Variants in KAZN observed in about 807,000 individuals in gnomAD.
KAZN encodes kazrin, periplakin interacting protein.
In KAZN, 40 loss-of-function variants were observed where a neutral mutation model predicts 87.4. That is an observed-to-expected ratio of 0.46 (90% confidence interval 0.36 to 0.60). The LOEUF (loss-of-function observed/expected upper bound fraction) is 0.60. KAZN is among the 20% of genes least tolerant of loss of function. KAZN has a pLI of 0.00. For missense variants in KAZN, 898 were observed against 1,073.9 expected, an observed-to-expected ratio of 0.84 and a Z score of 2.29; for synonymous variants, 466 against 458.3, an observed-to-expected ratio of 1.02 and a Z score of -0.22.
At chr1:14,367,793 G>GA (rs1171992334) in intron 2 of KAZN, among the ~76,000 whole-genome samples, 1 of 152,176 alleles carries the variant, frequency 6.6e-6, no homozygotes, top group African/African-American at 2.4e-5. Context: ...GGAGTCCAGG[G>GA]AGACTCCTGC....
rs1286842444 is a variant in KAZN at position 15,116,110 on chromosome 1, AG to A, written c.*1478del. On this transcript the variant is annotated 3_prime_UTR_variant, in exon 15 of 15. Coordinates refer to ENST00000376030, the MANE Select transcript of KAZN (RefSeq NM_201628.3). ...ACCAGATGACAGCCACGTGATGATT[AG>A]GGAAGGACGGATGCATTGCGATTCT... is the stretch of plus-strand genomic sequence containing the variant. The A allele has an allele frequency of 6.6e-6, 1 of 152,216 alleles. No homozygotes were observed. The highest frequency in any genetic ancestry group is 1.9e-4 in the East Asian group (1 of 5,200). 9.4% of individuals were successfully genotyped at this position (152,216 alleles called of 1,614,324 possible). A position where few individuals can be genotyped will look rare whatever the true frequency, so the allele number is the denominator to read the frequency against.
chr1:14,416,093 A>T (rs1023208788), intron 2 of KAZN, among the ~76,000 whole-genome samples: 1 of 152,188 alleles, frequency 6.6e-6, no homozygotes, highest in Non-Finnish European at 1.5e-5. Context: ...CATGAACTTA[A>T]GTGAAATTCC....
intron 2 of KAZN, among the ~76,000 whole-genome samples, chr1:14,247,963 C>A (rs914434094): frequency 5.3e-5 from 8 of 152,152 alleles, no homozygotes; most frequent in African/African-American, 1.7e-4. Context: ...AAATGCATAA[C>A]CTAATTAGGC....
At chr1:14,877,045 C>T (rs1652844322) in intron 1 of KAZN, among the ~76,000 whole-genome samples, 1 of 152,168 alleles carries the variant, frequency 6.6e-6, no homozygotes, top group Non-Finnish European at 1.5e-5. Flanking sequence ...ATTCAAAATA[C>T]CAGGGTTGAT....
At chr1:14,574,892 T>C (rs576247566) in intron 2 of KAZN, among the ~76,000 whole-genome samples, 5 of 152,200 alleles carry the variant, frequency 3.3e-5, no homozygotes, top group Admixed American at 6.5e-5. Context: ...CTGTCTCTGT[T>C]CAGCCAAGAC....
chr1:14,386,466 C>G (rs1661903009), intron 2 of KAZN, among the ~76,000 whole-genome samples: 1 of 152,000 alleles, frequency 6.6e-6, no homozygotes, highest in Non-Finnish European at 1.5e-5. Context: ...TGTTCCTTTC[C>G]ATGTTTAGCA....
chr1:14,558,647 T>C (rs1674063558), intron 2 of KAZN, among the ~76,000 whole-genome samples: 2 of 152,116 alleles, frequency 1.3e-5, no homozygotes, highest in Non-Finnish European at 2.9e-5. Flanking sequence ...GAGTATCAGG[T>C]ATATACAGTA....
intron 1 of KAZN, among the ~76,000 whole-genome samples, chr1:14,630,064 C>T (rs1268184344): frequency 6.6e-6 from 1 of 152,000 alleles, no homozygotes; most frequent in Non-Finnish European, 1.5e-5. Context: ...GGAACAGAAA[C>T]ATCATTGGCC....
chr1:14,075,697 C>T (rs758776700), intron 1 of KAZN, among the ~76,000 whole-genome samples: 7 of 152,094 alleles, frequency 4.6e-5, no homozygotes, highest in Admixed American at 3.3e-4. Flanking sequence ...CATCCTGTTC[C>T]GAAGCCACCT....
At chr1:14,086,327 A>G (rs1426566326) in intron 1 of KAZN, among the ~76,000 whole-genome samples, 2 of 152,102 alleles carry the variant, frequency 1.3e-5, no homozygotes, top group East Asian at 1.9e-4. Flanking sequence ...GGCATTAGCT[A>G]TTTTTCCTGA....
At chr1:14,259,111 G>T (rs1650807988) in intron 2 of KAZN, among the ~76,000 whole-genome samples, 1 of 152,076 alleles carries the variant, frequency 6.6e-6, no homozygotes. Flanking sequence ...AAGTCACAAA[G>T]GCCGATGGTT....
intron 2 of KAZN, among the ~76,000 whole-genome samples, chr1:14,255,881 G>A (rs1650472104): frequency 1.3e-5 from 2 of 152,196 alleles, no homozygotes; most frequent in Non-Finnish European, 2.9e-5. Flanking sequence ...TGCCTCCAAA[G>A]TGTGCACTGC....
intron 7 of KAZN, among the ~76,000 whole-genome samples, chr1:15,064,281 G>A (rs558768225): frequency 2.8e-4 from 42 of 152,236 alleles, no homozygotes; most frequent in Non-Finnish European, 5.1e-4. Context: ...CCACCCATTC[G>A]CAACGGAGAC....
chr1:14,195,815 G>A (rs964384843), intron 2 of KAZN, among the ~76,000 whole-genome samples: 4 of 152,134 alleles, frequency 2.6e-5, no homozygotes, highest in Admixed American at 6.5e-5. Flanking sequence ...CTAGGAAATC[G>A]AAAGTAAGTG....
chr1:14,697,345 A>G (rs1427393812), intron 1 of KAZN, among the ~76,000 whole-genome samples: 1 of 152,070 alleles, frequency 6.6e-6, no homozygotes, highest in African/African-American at 2.4e-5. Flanking sequence ...AAAATAAAAA[A>G]TAAAAATAAA....
At chr1:14,673,540 G>A (rs781246379) in intron 1 of KAZN, among the ~76,000 whole-genome samples, 17 of 152,132 alleles carry the variant, frequency 1.1e-4, no homozygotes, top group Non-Finnish European at 2.1e-4. Context: ...AGCGTCCTTC[G>A]AGATCATCAG....
At chr1:15,023,484 AAGGAGGCCAGTGCATGGACAGCC>A (rs1179243945) in intron 2 of KAZN, among the ~76,000 whole-genome samples, 1 of 152,054 alleles carries the variant, frequency 6.6e-6, no homozygotes, top group Non-Finnish European at 1.5e-5. Flanking sequence ...GGTCCCGAGG[AAGGAGGCCAGTGCATGGACAGCC>A]AGGAGGCCAG....
At chr1:14,040,255 T>C (rs1040166886) in intron 1 of KAZN, among the ~76,000 whole-genome samples, 2 of 152,102 alleles carry the variant, frequency 1.3e-5, no homozygotes, top group Non-Finnish European at 2.9e-5. Flanking sequence ...CCTTTTCAGT[T>C]TGAAAACAGC....
At chr1:14,466,804 T>TA (rs1051334005) in intron 2 of KAZN, among the ~76,000 whole-genome samples, 3 of 150,792 alleles carry the variant, frequency 2.0e-5, no homozygotes, top group Non-Finnish European at 3.0e-5. Flanking sequence ...CTGTCTCTAC[T>TA]AAAAATACAA....
Sources: gnomAD v4.1 joint callset for allele counts (sites outside exome capture counted in the v4.1 genomes callset) on GRCh38, gnomAD v4.1.1 for gene constraint, MANE v1.5 for transcripts, NCBI Gene and HGNC (gene_info 2026-07-23, HGNC 2026-07-21) for gene names.